C8orf34: variants seen among roughly 807,000 people sequenced by gnomAD.
The protein encoded by C8orf34 is chromosome 8 open reading frame 34, also known as uncharacterized protein C8orf34.
In C8orf34, 65 loss-of-function variants were observed where a neutral mutation model predicts 68.3. The ratio of observed to expected loss-of-function variants is 0.95; its 90% CI spans 0.78 to 1.17. The LOEUF (loss-of-function observed/expected upper bound fraction) is 1.17, where lower values mean the gene tolerates loss of function less well. Ranked by LOEUF, C8orf34 falls within the 50% of genes most tolerant of loss-of-function variation. C8orf34 has a pLI of 0.00. For missense variants in C8orf34, 664 were observed against 655.4 expected (o/e 1.01, Z -0.14); for synonymous variants, 244 against 241.2 (o/e 1.01, Z -0.11).
intron 12 of C8orf34, among the ~76,000 whole-genome samples, chr8:68,797,863 G>C (rs988403827): frequency 1.3e-5 from 2 of 152,078 alleles, no homozygotes; most frequent in Admixed American, 6.5e-5. Context: ...CATTTCTCAG[G>C]AAAAAAGTGA....
intron 4 of C8orf34, among the ~76,000 whole-genome samples, chr8:68,483,184 C>G (rs1041554520): frequency 1.3e-5 from 2 of 152,134 alleles, no homozygotes; most frequent in African/African-American, 4.8e-5. Flanking sequence ...TTGAAGAAAC[C>G]TATTGCTCTT....
intron 1 of C8orf34, among the ~76,000 whole-genome samples, chr8:68,346,371 G>A (rs929350483): frequency 6.6e-6 from 1 of 151,210 alleles, no homozygotes; most frequent in Non-Finnish European, 1.5e-5. Flanking sequence ...CCCCATGCAG[G>A]CACCAACCTC....
At chr8:68,504,623 G>A (rs1030467307) in intron 5 of C8orf34, among the ~76,000 whole-genome samples, 3 of 151,926 alleles carry the variant, frequency 2.0e-5, no homozygotes, top group East Asian at 1.9e-4. Flanking sequence ...GGGTTCCAGC[G>A]ATTCTCCTGC....
At chr8:68,794,506 T>TATATATATACA (rs58048066) in intron 12 of C8orf34, among the ~76,000 whole-genome samples, 20 of 58,992 alleles carry the variant, frequency 3.4e-4, no homozygotes, top group Non-Finnish European at 4.7e-4. Context: ...TATATATATA[T>TATATATATACA]TTTTTTTTTT....
intron 7 of C8orf34, among the ~76,000 whole-genome samples, chr8:68,571,553 G>T (rs991688336): frequency 2.7e-3 from 1 of 370 alleles, no homozygotes; most frequent in African/African-American, 5.7e-3. Context: ...TGTGCTTATT[G>T]TGTTGTTGGT....
intron 6 of C8orf34, among the ~76,000 whole-genome samples, chr8:68,526,193 T>C (rs1814980046): frequency 6.6e-6 from 1 of 151,962 alleles, no homozygotes; most frequent in South Asian, 2.1e-4. Context: ...ATTCCTGGAT[T>C]CAAGCAATCC....
At chr8:68,349,805 A>C (rs1806435661) in intron 1 of C8orf34, among the ~76,000 whole-genome samples, 1 of 151,710 alleles carries the variant, frequency 6.6e-6, no homozygotes, top group Admixed American at 6.6e-5. Flanking sequence ...GTGAGTAGTA[A>C]CATTCCCTTC....
chr8:68,458,041 A>T (rs900433272), intron 3 of C8orf34, among the ~76,000 whole-genome samples: 1 of 152,042 alleles, frequency 6.6e-6, no homozygotes, highest in Admixed American at 6.6e-5. Flanking sequence ...ATCACCCAGC[A>T]TGGGTGATTA....
intron 1 of C8orf34, among the ~76,000 whole-genome samples, chr8:68,375,393 A>C (rs1435888593): frequency 6.6e-6 from 1 of 152,266 alleles, no homozygotes; most frequent in Non-Finnish European, 1.5e-5. Context: ...GCTGAAACAA[A>C]AATTAATCTA....
intron 12 of C8orf34, among the ~76,000 whole-genome samples, chr8:68,795,199 C>A (rs1343957465): frequency 1.3e-5 from 2 of 152,084 alleles, no homozygotes; most frequent in African/African-American, 2.4e-5. Flanking sequence ...CCATCATTCT[C>A]ATACTGTAAT....
intron 7 of C8orf34, among the ~76,000 whole-genome samples, chr8:68,536,416 T>C (rs1815478811): frequency 1.3e-5 from 2 of 149,794 alleles, no homozygotes; most frequent in South Asian, 4.3e-4. Context: ...AAAATCCCTG[T>C]ATATTTTACT....
At chr8:68,478,074 G>T (rs1812699475) in intron 4 of C8orf34, among the ~76,000 whole-genome samples, 1 of 152,166 alleles carries the variant, frequency 6.6e-6, no homozygotes, top group South Asian at 2.1e-4. Flanking sequence ...TCAGCTCCTT[G>T]TTACTTATGC....
chr8:68,695,502 A>C (rs962005920), intron 8 of C8orf34: 4 of 152,148 alleles, frequency 2.6e-5, no homozygotes, highest in African/African-American at 9.7e-5. Flanking sequence ...ACACAGGGGA[A>C]AAGGAGAACA....
intron 1 of C8orf34, among the ~76,000 whole-genome samples, chr8:68,382,324 AGTG>A (rs1212522571): frequency 6.6e-6 from 1 of 151,218 alleles, no homozygotes; most frequent in Non-Finnish European, 1.5e-5. Context: ...CAATCTTGAC[AGTG>A]TTATAGGTTG....
chr8:68,805,840 AT>A (rs1177640783), intron 12 of C8orf34, among the ~76,000 whole-genome samples: 1 of 152,002 alleles, frequency 6.6e-6, no homozygotes. Flanking sequence ...TATTATACTT[AT>A]TTTTGAATTT....
chr8:68,765,117 A>G (rs1823134354), intron 10 of C8orf34, among the ~76,000 whole-genome samples: 1 of 152,242 alleles, frequency 6.6e-6, no homozygotes, highest in South Asian at 2.1e-4. Context: ...ACAGTGATTT[A>G]TAATAATGAC....
chr8:68,747,831 A>G (rs1822555638), intron 10 of C8orf34, among the ~76,000 whole-genome samples: 1 of 151,950 alleles, frequency 6.6e-6, no homozygotes, highest in African/African-American at 2.4e-5. Context: ...TATAGATTCA[A>G]TGCCATCCCC....
intron 7 of C8orf34, among the ~76,000 whole-genome samples, chr8:68,565,144 C>T (rs952668463): frequency 2.0e-5 from 3 of 152,154 alleles, no homozygotes; most frequent in Admixed American, 6.5e-5. Context: ...TGCTTTATAT[C>T]ATGTCTAACC....
In C8orf34 at chr8:68,555,128, T is replaced by C. The variant is rs528247810; in HGVS notation, c.1105+21979T>C. Among the ~76,000 whole-genome samples the C allele has an allele frequency of 4.1e-4, 62 of 152,260 alleles. No homozygotes were observed. The South Asian group carries it at 0.011, about 27-fold the overall frequency. On this transcript the variant is annotated intron_variant, in intron 7 of 13. Transcript: ENST00000518698. ...GATTTCTATTGTTTTGCAAGTTTTA[T>C]TGAATAAGCCCAAAGGGATAGTGTG...
Sources: gnomAD v4.1 joint callset for allele counts (sites outside exome capture counted in the v4.1 genomes callset) on GRCh38, gnomAD v4.1.1 for gene constraint, MANE v1.5 for transcripts, NCBI Gene and HGNC (gene_info 2026-07-23, HGNC 2026-07-21) for gene names.